The following TRAPPC4 variants were observed in gnomAD, a reference collection of about 807,000 sequenced individuals.
TRAPPC4 encodes the protein trafficking protein particle complex subunit 4.
Under a neutral mutation model 23.5 loss-of-function variants are expected in TRAPPC4, and 30 were observed. That is an observed-to-expected ratio of 1.28 (90% CI 0.96 to 1.73). The LOEUF (loss-of-function observed/expected upper bound fraction) is 1.73, where lower values mean the gene tolerates loss of function less well. Among genes scored for constraint, TRAPPC4 ranks in the 40% most tolerant of loss-of-function variants. The pLI is 0.00. For synonymous variants in TRAPPC4, 129 were observed against 105.3 expected, an observed-to-expected ratio of 1.23 and a Z score of -1.38; for missense variants, 252 against 268.9, an observed-to-expected ratio of 0.94 and a Z score of 0.44.
In TRAPPC4 at chr11:119,023,306, C is replaced by G; in HGVS notation, c.582-15C>G. 1 of 1,613,600 alleles carries G rather than the reference C, an allele frequency of 6.2e-7. No individual in the cohort carries two copies. The highest frequency in any genetic ancestry group is 1.7e-4 in the Middle Eastern group (1 of 6,056). ...AGGCCTCACACTTTTTTTCCTCACC[C>G]TGGGCCCGGCTTAGGTGTGAGCTCT... On this transcript the variant is annotated splice_polypyrimidine_tract_variant and intron_variant, in intron 4 of 4. Coordinates refer to ENST00000533632, the MANE Select transcript of TRAPPC4 (RefSeq NM_016146.6).
intron 3 of TRAPPC4, chr11:119,020,489 G>GC: frequency 5.0e-6 from 2 of 397,690 alleles, no homozygotes; most frequent in Non-Finnish European, 9.4e-6. Flanking sequence ...GGCATGATCC[G>GC]CCCCCTGGGT....
Position 119,019,201 on chromosome 11 carries a change from C to T in TRAPPC4, c.234C>T (p.Asp78=), listed in dbSNP as rs139864805. The change falls in exon 2 of 5, where the codon GAC becomes GAT. Residue 78 remains aspartate (D), a synonymous_variant. Transcript: ENST00000533632. ...ACGTGAATGGCAGGTACACGGCCGA[C>T]GGGAAAGAGGTGCTGGAGTATCTGG... is the stretch of plus-strand genomic sequence containing the variant. ...GMDVNGRYTA[D]GKEVLEYLGN... is the part of the protein sequence containing the mutation. 153 of 1,614,134 alleles carry T rather than the reference C, an allele frequency of 9.5e-5. No homozygotes were observed. The African/African-American group carries it at 1.0e-3, about 11-fold the overall frequency.
In TRAPPC4 at chr11:119,019,149, A is replaced by G. The variant is rs1222746073; in HGVS notation, c.182A>G (p.His61Arg). 3.1e-6 allele frequency: 5 copies of G among 1,614,150 alleles called. No individual in the cohort carries two copies. Among genetic ancestry groups the G allele is most frequent in the Non-Finnish European group, 4.2e-6 (5 of 1,179,984 alleles). Reference sequence around the variant, plus strand: ...GTTAGCTTCACCTCTGCAGTGGGTCATGCAGTGCTGGCCATCAATGGCATG... The same window carrying G: ...GTTAGCTTCACCTCTGCAGTGGGTCGTGCAGTGCTGGCCATCAATGGCATG... ...FGQRDGIRVG[H>R]AVLAINGMDV... Residue 61 changes from histidine (H) to arginine (R), a missense_variant, in exon 2 of 5, where the codon CAT (histidine) becomes CGT (arginine). His to Arg is a conservative substitution (Grantham distance 29). Transcript: ENST00000533632.
chr11:119,022,664 C>A (rs187328372), intron 4 of TRAPPC4, among the ~76,000 whole-genome samples: 3 of 151,752 alleles, frequency 2.0e-5, no homozygotes, highest in Non-Finnish European at 4.4e-5. Context: ...CTGAGGCGGG[C>A]GGATCACTTG....
rs1565683423 is a variant in TRAPPC4, at chr11:119,023,072, CTT to C, written c.582-246_582-245del. 2.6e-5 allele frequency: 7 copies of C among 270,876 alleles called. No individual in the cohort carries two copies. In the South Asian group the frequency reaches 2.9e-4, roughly 11 times the overall value. 16.8% of individuals were successfully genotyped at this position (270,876 alleles called of 1,614,324 possible). On this transcript the variant is annotated intron_variant, in intron 4 of 4. Coordinates refer to ENST00000533632, the MANE Select transcript of TRAPPC4 (RefSeq NM_016146.6). ...CTCTGCCTTCCGGGTTCAGGCGATT[CTT>C]TTGTCTCAGCCTCCGGAGTAGCTGG...
At chr11:119,021,513 G>C (rs1013416324) in intron 3 of TRAPPC4, 1 of 350,880 alleles carries the variant, frequency 2.8e-6, no homozygotes, top group African/African-American at 2.1e-5. Flanking sequence ...AAAACTGTTA[G>C]TAAGTGGCAG....
intron 2 of TRAPPC4, 31 bp from the exon 3 acceptor site, chr11:119,020,119 C>T (rs1345433459): frequency 6.4e-7 from 1 of 1,565,852 alleles, no homozygotes; most frequent in Non-Finnish European, 8.8e-7. Context: ...GCACTCCTTC[C>T]TTAGAGCAAC....
Position 119,018,845 on chromosome 11 carries a change from AC to A in TRAPPC4, c.52del (p.Gln18SerfsTer54). On this transcript the variant is annotated frameshift_variant, in exon 1 of 5. Transcript: ENST00000533632. LOFTEE classifies it high-confidence loss of function. ...GTGAACAAAGCTGGCGGCTTGATTT[AC>A]CAGTTGGACAGCTACGCGCCACGGG... ...YVVNKAGGLI[Y>X]QLDSYAPRAE... 1 of 1,614,222 alleles carries A rather than the reference AC, an allele frequency of 6.2e-7. No homozygotes were observed. Among genetic ancestry groups the A allele is most frequent in the Non-Finnish European group, 8.5e-7 (1 of 1,180,038 alleles).
intron 2 of TRAPPC4, chr11:119,019,885 AAGCTTAGT>A (rs1224941471): frequency 9.2e-6 from 3 of 327,860 alleles, no homozygotes; most frequent in Non-Finnish European, 1.7e-5. Flanking sequence ...GCTTAAACAC[AAGCTTAGT>A]AAGCGTGGCA....
At chr11:119,022,164 A>G (rs563577459) in intron 4 of TRAPPC4, among the ~76,000 whole-genome samples, 1 of 152,220 alleles carries the variant, frequency 6.6e-6, no homozygotes, top group South Asian at 2.1e-4. Flanking sequence ...TCATGTTTCT[A>G]GTAAAGACAA....
chr11:119,021,942 G>A, intron 4 of TRAPPC4, 56 bp downstream of exon 4: 2 of 1,598,302 alleles, frequency 1.3e-6, no homozygotes, highest in East Asian at 4.5e-5. Flanking sequence ...CTCCCTGTGT[G>A]CTCTGTCCAA....
At chr11:119,019,823 G>T in intron 2 of TRAPPC4, 1 of 205,906 alleles carries the variant, frequency 4.9e-6, no homozygotes, top group Non-Finnish European at 9.4e-6. Flanking sequence ...TTAACTAAAT[G>T]ACCTTTAAAC....
At chr11:119,022,296 TAAGTAAG>T (rs1943384065) in intron 4 of TRAPPC4, among the ~76,000 whole-genome samples, 1 of 152,100 alleles carries the variant, frequency 6.6e-6, no homozygotes, top group South Asian at 2.1e-4. Context: ...GTATTACTTT[TAAGTAAG>T]ACACAAGGAA....
chr11:119,021,641 ATAAAAT>A lies in TRAPPC4; in HGVS notation c.455-112_455-107del. On this transcript the variant is annotated intron_variant, in intron 3 of 4. Coordinates refer to ENST00000533632, the MANE Select transcript of TRAPPC4 (RefSeq NM_016146.6). ...TTTCCTGCATTATGTGGTAAAAAGA[ATAAAAT>A]TAAAATAGGCTTATGAAAGTGTTTT... 4 of 1,119,106 alleles carry A rather than the reference ATAAAAT, an allele frequency of 3.6e-6. 1 individual carries two copies. The highest frequency in any genetic ancestry group is 3.2e-5 in the South Asian group (2 of 63,220). 69.3% of individuals were successfully genotyped at this position (1,119,106 alleles called of 1,614,324 possible).
intron 3 of TRAPPC4, 59 bp downstream of exon 3, chr11:119,020,312 A>C (rs559782013): frequency 7.2e-7 from 1 of 1,391,144 alleles, no homozygotes; most frequent in Middle Eastern, 1.8e-4. Flanking sequence ...AGAGATACTG[A>C]TAAGTTTGCA....
chr11:119,020,147 T>G lies in TRAPPC4; in HGVS notation c.351-3T>G, dbSNP rs558321533. On this transcript the variant is annotated splice_polypyrimidine_tract_variant and splice_region_variant and intron_variant, in intron 2 of 4. Transcript: ENST00000533632. Reference sequence around the variant, plus strand: ...AGAGCAACTTTGCCTCCTTTGCATATAGGCTCTTTGCCATCGGCTCCCAGC... The same window carrying G: ...AGAGCAACTTTGCCTCCTTTGCATAGAGGCTCTTTGCCATCGGCTCCCAGC... 3.7e-6 allele frequency: 6 copies of G among 1,612,964 alleles called. No individual in the cohort carries two copies. In the Admixed American group the frequency reaches 6.7e-5, roughly 18 times the overall value.
chr11:119,020,163 G>A lies in TRAPPC4; in HGVS notation c.364G>A (p.Gly122Ser), dbSNP rs1282781482. The change falls in exon 3 of 5, where the codon GGC (glycine) becomes AGC (serine). Residue 122 changes from glycine (G) to serine (S), a missense_variant. Physicochemically the swap from Gly to Ser is moderately conservative, Grantham distance 56 (BLOSUM62 0). This residue lies in a region of TRAPPC4 where 222 missense variants were observed against 217.8 expected (regional missense o/e 1.02). Coordinates refer to ENST00000533632, the MANE Select transcript of TRAPPC4 (RefSeq NM_016146.6). ...ASMFHSLFAI[G>S]SQLSPEQGSS... is the part of the protein sequence containing the mutation. ...CTTTGCATATAGGCTCTTTGCCATCGGCTCCCAGCTGTCTCCTGAACAGGG... is the reference window on the plus strand; with the variant it reads ...CTTTGCATATAGGCTCTTTGCCATCAGCTCCCAGCTGTCTCCTGAACAGGG... The A allele has an allele frequency of 4.3e-6, 7 of 1,613,524 alleles. No individual in the cohort carries two copies. Among genetic ancestry groups the A allele is most frequent in the African/African-American group, 1.3e-5 (1 of 74,914 alleles).
At position 119,019,268 on chromosome 11, in the gene TRAPPC4, C is replaced by A. The variant is rs782020060; in HGVS notation, c.301C>A (p.Pro101Thr). 51 of 1,614,058 alleles carry A rather than the reference C, an allele frequency of 3.2e-5. No homozygotes were observed. The highest frequency in any genetic ancestry group is 4.1e-5 in the Non-Finnish European group (48 of 1,180,042). The change falls in exon 2 of 5, where the codon CCC (proline) becomes ACC (threonine). Residue 101 changes from proline to threonine, a missense_variant. By Grantham distance (38) the Pro-to-Thr change is conservative. Transcript: ENST00000533632. Reference protein sequence around the residue: ...NYPVSIRFGRPRLTSNEKLML... With the variant: ...NYPVSIRFGRTRLTSNEKLML... Reference sequence around the variant, plus strand: ...CCCGGTGTCCATTCGATTTGGCCGGCCCCGCCTCACTTCTAATGAGAAGCT... The same window carrying A: ...CCCGGTGTCCATTCGATTTGGCCGGACCCGCCTCACTTCTAATGAGAAGCT...
rs782201108 is a variant in TRAPPC4 at position 119,018,946 on chromosome 11, T to C, written c.151T>C (p.Phe51Leu). ...ACACGATGAGCGTGTGTTGGTTGCTTTCGGCCAGCGGGACGGCATCCGAGG... is the reference window on the plus strand; with the variant it reads ...ACACGATGAGCGTGTGTTGGTTGCTCTCGGCCAGCGGGACGGCATCCGAGG... ...KLHDERVLVA[F>L]GQRDGIRVGH... Residue 51 changes from phenylalanine (F) to leucine (L), a missense_variant, in exon 1 of 5, where the codon TTC becomes CTC. By Grantham distance (22) the Phe-to-Leu change is conservative. Transcript: ENST00000533632. The C allele has an allele frequency of 2.6e-5, 42 of 1,612,878 alleles. No individual in the cohort carries two copies. The highest frequency in any genetic ancestry group is 2.4e-5 in the Non-Finnish European group (28 of 1,179,942).
Sources: allele counts gnomAD v4.1 joint callset (sites outside exome capture counted in the v4.1 genomes callset), GRCh38; gene constraint gnomAD v4.1.1; regional missense constraint gnomAD v4.1.1; transcripts MANE v1.5; gene names NCBI Gene and HGNC (gene_info 2026-07-23, HGNC 2026-07-21).